The following CADM1 variants were observed in gnomAD, a reference collection of about 807,000 sequenced individuals.
The protein encoded by CADM1 is TSLC-1.
Under a neutral mutation model 53.1 loss-of-function variants are expected in CADM1, and 15 were observed. The ratio of observed to expected loss-of-function variants is 0.28; its 90% confidence interval spans 0.19 to 0.44. The LOEUF (loss-of-function observed/expected upper bound fraction) is 0.44. Among genes scored for constraint, CADM1 ranks in the 20% least tolerant of loss-of-function variants. The probability of loss-of-function intolerance (pLI) is 1.00; values close to 1 mark genes in which losing one functional copy is unlikely to be tolerated. For missense variants in CADM1, 434 were observed against 611.3 expected, an observed-to-expected ratio of 0.71 and a Z score of 3.06; for synonymous variants, 281 against 243.0, an observed-to-expected ratio of 1.16 and a Z score of -1.45.
chr11:115,345,280 A>G (rs1265722848), intron 1 of CADM1, among the ~76,000 whole-genome samples: 1 of 152,236 alleles, frequency 6.6e-6, no homozygotes, highest in Admixed American at 6.5e-5. Context: ...ACTAATCAAA[A>G]GAGCCCAAAC....
intron 1 of CADM1, among the ~76,000 whole-genome samples, chr11:115,374,709 T>C (rs1733830328): frequency 6.6e-6 from 1 of 151,904 alleles, no homozygotes; most frequent in Non-Finnish European, 1.5e-5. Flanking sequence ...TAATAAGAAA[T>C]AAAAAAATTT....
At chr11:115,431,237 A>G (rs928079149) in intron 1 of CADM1, among the ~76,000 whole-genome samples, 9 of 152,214 alleles carry the variant, frequency 5.9e-5, no homozygotes, top group African/African-American at 1.9e-4. Flanking sequence ...TAATGTCGGT[A>G]TGTCATTTAT....
At chr11:115,424,644 A>G (rs1046938023) in intron 1 of CADM1, among the ~76,000 whole-genome samples, 5 of 152,064 alleles carry the variant, frequency 3.3e-5, no homozygotes, top group African/African-American at 1.2e-4. Context: ...CTCCAGCCTC[A>G]GCCTCCCAAG....
intron 1 of CADM1, among the ~76,000 whole-genome samples, chr11:115,274,725 A>G (rs1041668693): frequency 6.6e-6 from 1 of 152,222 alleles, no homozygotes; most frequent in Non-Finnish European, 1.5e-5. Context: ...TAACTTCATT[A>G]TATCTTTCTT....
rs538322046 is a variant in CADM1 at position 115,329,471 on chromosome 11, G to A, written c.125-89051C>T. On this transcript the variant is annotated intron_variant, in intron 1 of 11. Transcript: ENST00000331581. ...CTCACAAGACATGCAACAGGGGTGTGGCTCGTCTGTTGGGCTGCTGCATGC... is the reference window on the plus strand; with the variant it reads ...CTCACAAGACATGCAACAGGGGTGTAGCTCGTCTGTTGGGCTGCTGCATGC... 7.2e-5 allele frequency among the ~76,000 whole-genome samples: 11 copies of A among 152,218 alleles called. No homozygotes were observed. In the South Asian group the frequency reaches 2.3e-3, roughly 32 times the overall value.
chr11:115,356,414 C>A (rs112600554), intron 1 of CADM1, among the ~76,000 whole-genome samples: 270 of 151,982 alleles, frequency 1.8e-3, no homozygotes, highest in African/African-American at 6.0e-3. Context: ...CGACAAGTAC[C>A]CTGCAGTAAA....
chr11:115,239,132 G>A (rs931995320), intron 2 of CADM1, among the ~76,000 whole-genome samples: 1 of 152,108 alleles, frequency 6.6e-6, no homozygotes, highest in Non-Finnish European at 1.5e-5. Flanking sequence ...AAAATTGTAA[G>A]TAAGGCCTTC....
chr11:115,335,039 A>G (rs925911677), intron 1 of CADM1, among the ~76,000 whole-genome samples: 2 of 152,118 alleles, frequency 1.3e-5, no homozygotes, highest in Non-Finnish European at 2.9e-5. Flanking sequence ...AATCACTCCA[A>G]GTCCTTAAAG....
At chr11:115,316,866 ACGTG>A (rs1944680832) in intron 1 of CADM1, among the ~76,000 whole-genome samples, 1 of 152,206 alleles carries the variant, frequency 6.6e-6, no homozygotes, top group Non-Finnish European at 1.5e-5. Context: ...AGAAAATGCA[ACGTG>A]CTATACTGAC....
chr11:115,429,127 C>A (rs1354409757), intron 1 of CADM1, among the ~76,000 whole-genome samples: 1 of 151,966 alleles, frequency 6.6e-6, no homozygotes, highest in South Asian at 2.1e-4. Context: ...ATCTTGGTTA[C>A]CTTGATTTCC....
At position 115,383,953 on chromosome 11, in the gene CADM1, G is replaced by GA. The variant is rs111689438; in HGVS notation, c.124+120317dup. Among the ~76,000 whole-genome samples the GA allele has an allele frequency of 4.7e-3, 659 of 141,590 alleles. 2 individuals are homozygous for GA. Among genetic ancestry groups the GA allele is most frequent in the African/African-American group, 0.011 (437 of 38,862 alleles). 92.9% of individuals were successfully genotyped at this position (141,590 alleles called of 152,430 possible). ...CCTAAGGTTTCCCTAAGAGCTCCTGGAAAAAAAAAAAAATTGCAACTGATC... is the reference window on the plus strand; with the variant it reads ...CCTAAGGTTTCCCTAAGAGCTCCTGGAAAAAAAAAAAAAATTGCAACTGATC... On this transcript the variant is annotated intron_variant, in intron 1 of 11. Coordinates refer to ENST00000331581, the MANE Select transcript of CADM1 (RefSeq NM_001301043.2).
chr11:115,432,225 G>A (rs113901037), intron 1 of CADM1, among the ~76,000 whole-genome samples: 18,925 of 152,006 alleles, frequency 0.12, 1,575 homozygotes, highest in Non-Finnish European at 0.18. Flanking sequence ...GATTACAGGC[G>A]TGAGCCACCA....
intron 7 of CADM1, 149 bp downstream of exon 7, chr11:115,214,459 G>C (rs1197309785): frequency 1.4e-5 from 10 of 722,418 alleles, no homozygotes; most frequent in South Asian, 6.4e-5. Flanking sequence ...GAGACACTAG[G>C]GTCCACCTCA....
At chr11:115,291,063 C>A (rs767964657) in intron 1 of CADM1, among the ~76,000 whole-genome samples, 9 of 152,140 alleles carry the variant, frequency 5.9e-5, no homozygotes, top group African/African-American at 1.7e-4. Context: ...GAAAGGATTA[C>A]TATAGCAACA....
intron 1 of CADM1, among the ~76,000 whole-genome samples, chr11:115,279,258 T>G (rs1478125038): frequency 1.3e-5 from 2 of 152,180 alleles, no homozygotes; most frequent in African/African-American, 2.4e-5. Flanking sequence ...CGTTTCAAGG[T>G]TGCAAAAATG....
chr11:115,476,010 A>G (rs1272663072), intron 1 of CADM1, among the ~76,000 whole-genome samples: 1 of 152,250 alleles, frequency 6.6e-6, no homozygotes, highest in East Asian at 1.9e-4. Context: ...CTCTTATAAA[A>G]TAGTAGTGGG....
intron 1 of CADM1, among the ~76,000 whole-genome samples, chr11:115,327,167 G>A (rs894710869): frequency 2.0e-5 from 3 of 151,922 alleles, no homozygotes; most frequent in Non-Finnish European, 4.4e-5. Flanking sequence ...TTACATATAC[G>A]CTATCATGTC....
intron 1 of CADM1, among the ~76,000 whole-genome samples, chr11:115,250,290 C>A (rs924650747): frequency 6.6e-6 from 1 of 152,068 alleles, no homozygotes; most frequent in African/African-American, 2.4e-5. Context: ...TATGTATTTC[C>A]CTTATTTTAT....
At chr11:115,269,764 CTGATA>C (rs1943246805) in intron 1 of CADM1, among the ~76,000 whole-genome samples, 1 of 152,156 alleles carries the variant, frequency 6.6e-6, no homozygotes, top group Non-Finnish European at 1.5e-5. Flanking sequence ...TGTCACTAGC[CTGATA>C]TGCTTTCCCT....
Sources: gnomAD v4.1 joint callset for allele counts (sites outside exome capture counted in the v4.1 genomes callset) on GRCh38, gnomAD v4.1.1 for gene constraint, MANE v1.5 for transcripts, NCBI Gene and HGNC (gene_info 2026-07-23, HGNC 2026-07-21) for gene names.